Variants in LRP1B observed in about 807,000 individuals in gnomAD.
The protein encoded by LRP1B is low-density lipoprotein receptor-related protein 1B.
A neutral mutation model predicts 556.6 loss-of-function variants in LRP1B; 217 were observed. The observed-to-expected ratio is 0.39, with a 90% CI of 0.35 to 0.44. LRP1B has a LOEUF of 0.44. Ranked by LOEUF, LRP1B falls within the 20% of genes least tolerant of loss-of-function variation. The pLI is 1.00. For synonymous variants in LRP1B, 2,047 were observed against 1,865.8 expected (o/e 1.10, Z -2.50); for missense variants, 5,053 against 5,620.8 (o/e 0.90, Z 3.23).
intron 7 of LRP1B, among the ~76,000 whole-genome samples, chr2:141,076,100 ACTTT>A (rs1329911385): frequency 6.6e-6 from 1 of 152,190 alleles, no homozygotes; most frequent in Non-Finnish European, 1.5e-5. Flanking sequence ...GTAAAGCAAT[ACTTT>A]CTTTATGATG....
At chr2:140,604,938 C>T (rs145000927) in intron 41 of LRP1B, among the ~76,000 whole-genome samples, 3 of 152,218 alleles carry the variant, frequency 2.0e-5, no homozygotes, top group Middle Eastern at 3.4e-3. Flanking sequence ...CTTTCACTCT[C>T]CACCATGATC....
intron 2 of LRP1B, among the ~76,000 whole-genome samples, chr2:141,694,447 A>T (rs1029331657): frequency 6.6e-6 from 1 of 151,998 alleles, no homozygotes; most frequent in Non-Finnish European, 1.5e-5. Flanking sequence ...TGTTCTGAGA[A>T]CTTCTTGTGT....
rs143719224 is a variant in LRP1B at position 140,481,050 on chromosome 2, A to G, written c.9425+4293T>C. ...CCTGGCTAATTTTTGTATTCTTAGT[A>G]GAGAGGGGGTTTCACTATGTTGGCC... On this transcript the variant is annotated intron_variant, in intron 59 of 90. Transcript: ENST00000389484. Among the ~76,000 whole-genome samples, 465 of 152,150 alleles carry G rather than the reference A, an allele frequency of 3.1e-3. 2 individuals are homozygous for G. The highest frequency in any genetic ancestry group is 0.011 in the African/African-American group (438 of 41,528).
At position 141,809,470 on chromosome 2, in the gene LRP1B, A is replaced by T. The variant is rs182848730; in HGVS notation, c.205+809T>A. ...CTGGTTGCCTGAAGAGCACAGGTTG[A>T]TATGAGAAATTCTAGAAATATCACT... On this transcript the variant is annotated intron_variant, in intron 2 of 90. Transcript: ENST00000389484. Among the ~76,000 whole-genome samples the T allele has an allele frequency of 1.3e-4, 20 of 152,180 alleles. No individual in the cohort carries two copies. In the East Asian group the frequency reaches 3.7e-3, roughly 28 times the overall value.
intron 1 of LRP1B, among the ~76,000 whole-genome samples, chr2:141,861,047 C>G (rs533143460): frequency 8.5e-5 from 13 of 152,198 alleles, no homozygotes; most frequent in Non-Finnish European, 1.8e-4. Context: ...ACTTTGTACT[C>G]TAACAATGTA....
chr2:142,077,411 G>T (rs1436934549), intron 1 of LRP1B, among the ~76,000 whole-genome samples: 2 of 152,018 alleles, frequency 1.3e-5, no homozygotes, highest in East Asian at 3.9e-4. Context: ...CAACTTGGAG[G>T]CAGGATGTGT....
intron 2 of LRP1B, among the ~76,000 whole-genome samples, chr2:141,684,249 T>C (rs1283391992): frequency 6.6e-6 from 1 of 152,080 alleles, no homozygotes; most frequent in Admixed American, 6.6e-5. Flanking sequence ...GTGGCACATA[T>C]ACACCGTGGA....
intron 2 of LRP1B, among the ~76,000 whole-genome samples, chr2:141,484,559 G>A (rs1683049348): frequency 6.6e-6 from 1 of 152,068 alleles, no homozygotes; most frequent in Admixed American, 6.5e-5. Context: ...TGGGCAGTAT[G>A]GCCATTTTCA....
intron 2 of LRP1B, among the ~76,000 whole-genome samples, chr2:141,583,022 G>T (rs35080333): frequency 6.6e-6 from 1 of 151,756 alleles, no homozygotes; most frequent in African/African-American, 2.4e-5. Flanking sequence ...ATTTTTAGTA[G>T]AGAGGGGGTT....
At chr2:140,962,780 G>A (rs1696075885) in intron 18 of LRP1B, among the ~76,000 whole-genome samples, 1 of 152,170 alleles carries the variant, frequency 6.6e-6, no homozygotes, top group Admixed American at 6.5e-5. Flanking sequence ...GTGGAAAGGT[G>A]TTTTTGTGTT....
In LRP1B at chr2:140,308,607, T is replaced by TA. The variant is rs371393055; in HGVS notation, c.12805+6327dup. On this transcript the variant is annotated intron_variant, in intron 83 of 90. Transcript: ENST00000389484. ...GTGCTTTCAAATTTTTGTCTTTGAG[T>TA]ATGATGTTTTATACCTAACTAGTTT... is the stretch of plus-strand genomic sequence containing the variant. 2.5e-3 allele frequency among the ~76,000 whole-genome samples: 376 copies of TA among 151,934 alleles called. 3 individuals are homozygous for TA. Among genetic ancestry groups the TA allele is most frequent in the African/African-American group, 8.6e-3 (358 of 41,526 alleles).
intron 66 of LRP1B, among the ~76,000 whole-genome samples, chr2:140,412,593 G>T (rs1573907765): frequency 6.6e-6 from 1 of 151,982 alleles, no homozygotes; most frequent in Non-Finnish European, 1.5e-5. Flanking sequence ...TACTTATAAA[G>T]TACCCACTAT....
At chr2:141,129,293 G>A (rs147300929) in intron 7 of LRP1B, among the ~76,000 whole-genome samples, 16 of 152,044 alleles carry the variant, frequency 1.1e-4, no homozygotes, top group African/African-American at 2.4e-4. Flanking sequence ...ATTAATATAC[G>A]TATTTAATGC....
intron 60 of LRP1B, among the ~76,000 whole-genome samples, chr2:140,469,685 A>G (rs1448862448): frequency 1.3e-5 from 2 of 152,138 alleles, no homozygotes; most frequent in African/African-American, 4.8e-5. Flanking sequence ...ATTCAACTTT[A>G]TTTGTGTAAG....
intron 43 of LRP1B, among the ~76,000 whole-genome samples, chr2:140,551,522 C>T (rs1162648431): frequency 6.6e-6 from 1 of 152,176 alleles, no homozygotes; most frequent in Non-Finnish European, 1.5e-5. Flanking sequence ...ATATATAACA[C>T]ATTCCTTTCT....
Position 141,093,684 on chromosome 2 carries a change from G to A in LRP1B, c.1014-31411C>T, listed in dbSNP as rs1700225841. Among the ~76,000 whole-genome samples, 3 of 151,858 alleles carry A rather than the reference G, an allele frequency of 2.0e-5. No homozygotes were observed. The South Asian group carries it at 6.2e-4, about 32-fold the overall frequency. On this transcript the variant is annotated intron_variant, in intron 7 of 90. Transcript: ENST00000389484. ...AAAGATGAGTAAGAGAGCTGAGGGT[G>A]TGAGTAAAATAGATAAATCTGTGAC...
At chr2:140,774,562 G>A (rs1178029419) in intron 33 of LRP1B, among the ~76,000 whole-genome samples, 1 of 152,056 alleles carries the variant, frequency 6.6e-6, no homozygotes, top group African/African-American at 2.4e-5. Context: ...TTTCTCTCTT[G>A]CACACCTTCC....
At chr2:140,331,557 C>T (rs1383230598) in intron 79 of LRP1B, among the ~76,000 whole-genome samples, 1 of 151,762 alleles carries the variant, frequency 6.6e-6, no homozygotes. Context: ...AACCTGTGCC[C>T]TTCTACATGT....
At chr2:141,642,745 G>A (rs535562779) in intron 2 of LRP1B, among the ~76,000 whole-genome samples, 2 of 152,086 alleles carry the variant, frequency 1.3e-5, no homozygotes, top group African/African-American at 4.8e-5. Context: ...GATGAGAAAA[G>A]CCCCTTTGAA....
Sources: gnomAD v4.1 joint callset for allele counts (sites outside exome capture counted in the v4.1 genomes callset) on GRCh38, gnomAD v4.1.1 for gene constraint, MANE v1.5 for transcripts, NCBI Gene and HGNC (gene_info 2026-07-23, HGNC 2026-07-21) for gene names.